ITPRID1: variants seen among roughly 807,000 people sequenced by gnomAD.
ITPRID1 encodes the protein protein ITPRID1.
A neutral mutation model predicts 95.4 loss-of-function variants in ITPRID1; 96 were observed. The observed-to-expected ratio is 1.01, with a 90% CI of 0.85 to 1.19. ITPRID1 has a LOEUF of 1.19. Among genes scored for constraint, ITPRID1 ranks in the 50% most tolerant of loss-of-function variants. The pLI is 0.00. For synonymous variants in ITPRID1, 510 were observed against 453.6 expected, an observed-to-expected ratio of 1.12 and a Z score of -1.58; for missense variants, 1,339 against 1,252.9, an observed-to-expected ratio of 1.07 and a Z score of -1.04.
intron 10 of ITPRID1, among the ~76,000 whole-genome samples, chr7:31,620,797 C>T (rs368173989): frequency 3.7e-4 from 57 of 152,152 alleles, no homozygotes; most frequent in East Asian, 1.2e-3. Context: ...AGACATCAGA[C>T]GATCAAACTA....
chr7:31,647,120 T>C (rs4723093), intron 12 of ITPRID1, among the ~76,000 whole-genome samples: 115,170 of 152,246 alleles, frequency 0.76, 43,702 homozygotes, highest in East Asian at 0.83. Context: ...AAATAAGAGA[T>C]TGCATTCCTC....
At chr7:31,597,416 G>C (rs947891362) in intron 10 of ITPRID1, among the ~76,000 whole-genome samples, 1 of 151,638 alleles carries the variant, frequency 6.6e-6, no homozygotes, top group Non-Finnish European at 1.5e-5. Flanking sequence ...TAACAAGTTT[G>C]TTGGATATGA....
chr7:31,571,977 T>C, intron 6 of ITPRID1, 125 bp from the exon 7 acceptor site: 1 of 626,892 alleles, frequency 1.6e-6, no homozygotes, highest in Middle Eastern at 2.5e-4. Context: ...GGTGTGGTCA[T>C]TATGGGATTA....
intron 12 of ITPRID1, among the ~76,000 whole-genome samples, chr7:31,648,927 A>G (rs951424614): frequency 3.3e-5 from 5 of 152,220 alleles, no homozygotes; most frequent in Non-Finnish European, 5.9e-5. Flanking sequence ...TAGCCATTCT[A>G]TGTCAGAACA....
chr7:31,618,000 T>A (rs1360387861), intron 10 of ITPRID1, among the ~76,000 whole-genome samples: 2 of 152,214 alleles, frequency 1.3e-5, no homozygotes, highest in African/African-American at 4.8e-5. Context: ...ATAAACTGTT[T>A]ATGCTGTCAG....
At chr7:31,562,582 T>C (rs149841149) in intron 5 of ITPRID1, among the ~76,000 whole-genome samples, 5 of 152,320 alleles carry the variant, frequency 3.3e-5, no homozygotes, top group Admixed American at 2.0e-4. Flanking sequence ...AGATGTTCCC[T>C]TACTGCTTGT....
intron 12 of ITPRID1, 43 bp downstream of exon 12, chr7:31,643,996 G>A (rs38398): frequency 0.98 from 1,498,454 of 1,529,482 alleles, 734,100 homozygotes; most frequent in East Asian, 1. Flanking sequence ...AGATGCACCC[G>A]TGATAAACAC....
At chr7:31,562,736 G>C (rs1322154082) in intron 5 of ITPRID1, among the ~76,000 whole-genome samples, 1 of 152,086 alleles carries the variant, frequency 6.6e-6, no homozygotes, top group Non-Finnish European at 1.5e-5. Flanking sequence ...TTTTCTACAA[G>C]ACCCTCTAGT....
chr7:31,537,744 C>T (rs1454940324), intron 1 of ITPRID1, among the ~76,000 whole-genome samples: 1 of 152,024 alleles, frequency 6.6e-6, no homozygotes, highest in African/African-American at 2.4e-5. Context: ...AACATTCAGA[C>T]AAATCTGAAT....
intron 10 of ITPRID1, among the ~76,000 whole-genome samples, chr7:31,619,108 T>C (rs1455635996): frequency 6.6e-6 from 1 of 152,228 alleles, no homozygotes; most frequent in Non-Finnish European, 1.5e-5. Context: ...CTTTAATCTG[T>C]GTATATTAGT....
At chr7:31,597,341 G>C (rs1786129579) in intron 10 of ITPRID1, among the ~76,000 whole-genome samples, 1 of 151,948 alleles carries the variant, frequency 6.6e-6, no homozygotes, top group Admixed American at 6.6e-5. Flanking sequence ...CACTTTTGCA[G>C]ACAAGATAAC....
chr7:31,599,734 C>A (rs979976127), intron 10 of ITPRID1, among the ~76,000 whole-genome samples: 1 of 149,990 alleles, frequency 6.7e-6, no homozygotes, highest in African/African-American at 2.5e-5. Context: ...TGGAGTCTCT[C>A]TCTGTCGCCC....
At chr7:31,621,891 A>G (rs1787942140) in intron 10 of ITPRID1, among the ~76,000 whole-genome samples, 1 of 151,872 alleles carries the variant, frequency 6.6e-6, no homozygotes, top group African/African-American at 2.4e-5. Flanking sequence ...ATAGGCTCAA[A>G]ATAAAAGGAT....
chr7:31,544,080 A>G (rs1784018678), intron 1 of ITPRID1, among the ~76,000 whole-genome samples: 1 of 151,844 alleles, frequency 6.6e-6, no homozygotes, highest in Admixed American at 6.6e-5. Context: ...TGGGCTCTCT[A>G]TTGTGTTCTA....
At chr7:31,637,230 A>G (rs1789574761) in intron 10 of ITPRID1, among the ~76,000 whole-genome samples, 1 of 152,156 alleles carries the variant, frequency 6.6e-6, no homozygotes, top group Non-Finnish European at 1.5e-5. Flanking sequence ...AGCATGATTT[A>G]TAGTCCTTTG....
chr7:31,561,154 T>C (rs1330648103), intron 5 of ITPRID1, among the ~76,000 whole-genome samples: 1 of 152,056 alleles, frequency 6.6e-6, no homozygotes, highest in African/African-American at 2.4e-5. Context: ...TTGTACAGTT[T>C]TCAAGTGGGA....
intron 6 of ITPRID1, among the ~76,000 whole-genome samples, chr7:31,570,046 A>T (rs1042173716): frequency 1.3e-5 from 2 of 152,218 alleles, no homozygotes; most frequent in Non-Finnish European, 2.9e-5. Flanking sequence ...GTGGGGGAAA[A>T]TTTAATTACA....
At chr7:31,523,311 C>A (rs756121496) in intron 1 of ITPRID1, among the ~76,000 whole-genome samples, 4 of 152,096 alleles carry the variant, frequency 2.6e-5, no homozygotes, top group African/African-American at 9.7e-5. Context: ...GGAGTAGATA[C>A]TAGGAAGAAA....
At chr7:31,577,760 C>T in intron 8 of ITPRID1, 103 bp from the exon 9 acceptor site, 1 of 957,438 alleles carries the variant, frequency 1.0e-6, no homozygotes. Flanking sequence ...TCCTTCCTAT[C>T]TTGAAAATTT....
Sources: allele counts gnomAD v4.1 joint callset (sites outside exome capture counted in the v4.1 genomes callset), GRCh38; gene constraint gnomAD v4.1.1; transcripts MANE v1.5; gene names NCBI Gene and HGNC (gene_info 2026-07-23, HGNC 2026-07-21).